Variants in RSPH9 observed in about 807,000 individuals in gnomAD.
The protein encoded by RSPH9 is radial spoke head protein 9 homolog.
A neutral mutation model predicts 27.0 loss-of-function variants in RSPH9; 27 were observed. That is an observed-to-expected ratio of 1.00 (90% CI 0.74 to 1.38). The LOEUF (loss-of-function observed/expected upper bound fraction) is 1.38, where lower values mean the gene tolerates loss of function less well. Ranked by LOEUF, RSPH9 falls within the 40% of genes most tolerant of loss-of-function variation. The pLI is 0.00. For synonymous variants in RSPH9, 145 were observed against 147.7 expected (o/e 0.98, Z 0.13); for missense variants, 347 against 357.4 (o/e 0.97, Z 0.24).
intron 2 of RSPH9, among the ~76,000 whole-genome samples, chr6:43,653,301 A>C (rs2127900125): frequency 6.6e-6 from 1 of 152,148 alleles, no homozygotes; most frequent in African/African-American, 2.4e-5. Flanking sequence ...AATACAAAAA[A>C]TTAGCCAGGC....
At chr6:43,658,307 A>AG (rs1561941354) in intron 4 of RSPH9, among the ~76,000 whole-genome samples, 53 of 149,766 alleles carry the variant, frequency 3.5e-4, no homozygotes, top group African/African-American at 1.1e-3. Flanking sequence ...AAAAAAAAAA[A>AG]AAAGAAAAAA....
rs762167888 is a variant in RSPH9, at chr6:43,655,615, G to T, written c.447G>T (p.Lys149Asn). 1.2e-6 allele frequency: 2 copies of T among 1,614,206 alleles called. No individual in the cohort carries two copies. Among genetic ancestry groups the T allele is most frequent in the East Asian group, 4.5e-5 (2 of 44,878 alleles). The change falls in exon 3 of 5, where the codon AAG (lysine) becomes AAT (asparagine). Residue 149 changes from lysine to asparagine, a missense_variant. Lys to Asn is a moderately conservative substitution (Grantham distance 94). Coordinates refer to ENST00000372163, the MANE Select transcript of RSPH9 (RefSeq NM_152732.5). ...RLVSVIDQID[K>N]AVAIIPRGAL... ...TGTCTGTCATTGACCAGATTGACAA[G>T]GCTGTGGCCATCATCCCCCGAGGCG...
intron 4 of RSPH9, among the ~76,000 whole-genome samples, chr6:43,659,743 A>AT (rs1279138049): frequency 7.0e-6 from 1 of 142,622 alleles, no homozygotes; most frequent in Admixed American, 7.2e-5. Flanking sequence ...TATTATTATT[A>AT]TTTTTTGAAA....
intron 4 of RSPH9, among the ~76,000 whole-genome samples, chr6:43,669,375 G>A (rs906421663): frequency 3.3e-5 from 5 of 152,228 alleles, no homozygotes; most frequent in Non-Finnish European, 7.3e-5. Flanking sequence ...TGCACCCTGA[G>A]TAAGGGTGCA....
intron 4 of RSPH9, among the ~76,000 whole-genome samples, chr6:43,662,659 G>T (rs1032170562): frequency 2.0e-5 from 3 of 152,086 alleles, no homozygotes; most frequent in Middle Eastern, 3.2e-3. Flanking sequence ...GAGCCACCAC[G>T]CCTGGCCGGC....
In RSPH9 at chr6:43,672,409, A is replaced by T. The variant is rs1044091614; in HGVS notation, c.*1460A>T. The T allele has an allele frequency of 1.3e-5, 6 of 471,324 alleles. No individual in the cohort carries two copies. Among genetic ancestry groups the T allele is most frequent in the Non-Finnish European group, 2.6e-5 (6 of 227,188 alleles). 29.2% of individuals were successfully genotyped at this position (471,324 alleles called of 1,614,324 possible). ...AACCTGTGATGGGAATCAAGGGGTA[A>T]GGGCCCGTGGGCGCAGCCCTAGCCT... On this transcript the variant is annotated 3_prime_UTR_variant, in exon 5 of 5. Transcript: ENST00000372163.
At position 43,647,056 on chromosome 6, in the gene RSPH9, G is replaced by A. The variant is rs554014674; in HGVS notation, c.227+1731G>A. ...AGGCTGAGGTGGGAGGATTGCGCCC[G>A]AGAGTTCAAAGCTGCAGTTAACTAT... On this transcript the variant is annotated intron_variant, in intron 1 of 4. Transcript: ENST00000372163. Among the ~76,000 whole-genome samples the A allele has an allele frequency of 7.2e-5, 11 of 152,032 alleles. No individual in the cohort carries two copies. In the South Asian group the frequency reaches 1.7e-3, roughly 23 times the overall value.
Position 43,666,889 on chromosome 6 carries a change from A to G in RSPH9, c.671-3900A>G, listed in dbSNP as rs138956264. ...CCGTCTCCCAAGTAGCTGGGATTAC[A>G]GGCGCATGTCACCACGCCTAATTTT... On this transcript the variant is annotated intron_variant, in intron 4 of 4. Transcript: ENST00000372163. 2.3e-3 allele frequency among the ~76,000 whole-genome samples: 351 copies of G among 152,290 alleles called. 1 individual carries two copies. The highest frequency in any genetic ancestry group is 7.7e-3 in the African/African-American group (320 of 41,576).
In RSPH9 at chr6:43,646,496, C is replaced by T. The variant is rs180928287; in HGVS notation, c.227+1171C>T. Among the ~76,000 whole-genome samples, 556 of 151,328 alleles carry T rather than the reference C, an allele frequency of 3.7e-3. 10 individuals carry two copies. Among genetic ancestry groups the T allele is most frequent in the Admixed American group, 0.025 (374 of 15,186 alleles). On this transcript the variant is annotated intron_variant, in intron 1 of 4. Transcript: ENST00000372163. Reference sequence around the variant, plus strand: ...TTCACTATGCTGGTTAGGCTGGTCTCGAACTCCTGGCCTCAAGTAATCCAC... The same window carrying T: ...TTCACTATGCTGGTTAGGCTGGTCTTGAACTCCTGGCCTCAAGTAATCCAC...
At position 43,672,480 on chromosome 6, in the gene RSPH9, C is replaced by T. The variant is rs974184543; in HGVS notation, c.*1531C>T. 1.1e-5 allele frequency: 5 copies of T among 468,242 alleles called. No individual in the cohort carries two copies. The highest frequency in any genetic ancestry group is 6.0e-5 in the African/African-American group (3 of 50,038). The allele number at this position is 468,242 out of a possible 1,614,324, so 29.0% of individuals were successfully genotyped here. ...GAGGGGGGTGGGGAAAGATGGCTGC[C>T]GCCCATGGACCTTTGGCCTCCTTTG... On this transcript the variant is annotated 3_prime_UTR_variant, in exon 5 of 5. Transcript: ENST00000372163.
chr6:43,649,041 C>T (rs1209444077), intron 1 of RSPH9, among the ~76,000 whole-genome samples: 1 of 151,894 alleles, frequency 6.6e-6, no homozygotes, highest in Non-Finnish European at 1.5e-5. Flanking sequence ...GGAGGAAAGT[C>T]CCCCACAGGG....
At chr6:43,646,173 C>T (rs976961783) in intron 1 of RSPH9, among the ~76,000 whole-genome samples, 2 of 151,938 alleles carry the variant, frequency 1.3e-5, no homozygotes, top group Non-Finnish European at 2.9e-5. Context: ...GCTCTGTCGC[C>T]CAGGCTGGAG....
intron 4 of RSPH9, among the ~76,000 whole-genome samples, chr6:43,669,537 C>T (rs1261097526): frequency 1.3e-5 from 2 of 152,204 alleles, no homozygotes; most frequent in Non-Finnish European, 2.9e-5. Flanking sequence ...GCTGGGGCAG[C>T]AGGAGCCAAG....
At chr6:43,666,482 T>C in intron 4 of RSPH9, 3 of 1,550,522 alleles carry the variant, frequency 1.9e-6, no homozygotes, top group Non-Finnish European at 2.6e-6. Flanking sequence ...GTGGTTTTGG[T>C]TGGCCCTGTT....
intron 4 of RSPH9, among the ~76,000 whole-genome samples, chr6:43,667,942 A>G (rs1452102897): frequency 6.6e-6 from 1 of 152,090 alleles, no homozygotes; most frequent in Non-Finnish European, 1.5e-5. Context: ...ATGTAATTAG[A>G]GTAAGTACGC....
chr6:43,666,042 T>C (rs1773104366), intron 4 of RSPH9, among the ~76,000 whole-genome samples: 1 of 152,096 alleles, frequency 6.6e-6, no homozygotes, highest in African/African-American at 2.4e-5. Flanking sequence ...CCCAGGCTGG[T>C]CTTGAACAAC....
At chr6:43,658,247 C>T (rs1354511298) in intron 4 of RSPH9, among the ~76,000 whole-genome samples, 1 of 144,436 alleles carries the variant, frequency 6.9e-6, no homozygotes, top group African/African-American at 2.6e-5. Context: ...GCTGAGATTG[C>T]GCCACTGCAC....
chr6:43,651,589 C>T (rs1771474078), intron 2 of RSPH9, among the ~76,000 whole-genome samples: 1 of 152,010 alleles, frequency 6.6e-6, no homozygotes, highest in Admixed American at 6.6e-5. Flanking sequence ...TGCTTTGTTG[C>T]TCAGGCTGAA....
chr6:43,659,957 AACTCATG>A (rs1268270630), intron 4 of RSPH9, among the ~76,000 whole-genome samples: 1 of 150,164 alleles, frequency 6.7e-6, no homozygotes, highest in Non-Finnish European at 1.5e-5. Context: ...GCTGCTCTTG[AACTCATG>A]ACCTCAGGTG....
Sources: allele counts gnomAD v4.1 joint callset (sites outside exome capture counted in the v4.1 genomes callset), GRCh38; gene constraint gnomAD v4.1.1; transcripts MANE v1.5; gene names NCBI Gene and HGNC (gene_info 2026-07-23, HGNC 2026-07-21).